CCSER2: variants seen among roughly 807,000 people sequenced by gnomAD.
CCSER2 encodes the protein serine-rich coiled-coil domain-containing protein 2.
In CCSER2, 46 loss-of-function variants were observed where a neutral mutation model predicts 92.3. The ratio of observed to expected loss-of-function variants is 0.50; its 90% CI spans 0.39 to 0.64. The LOEUF (loss-of-function observed/expected upper bound fraction) is 0.64, where lower values mean the gene tolerates loss of function less well. Among genes scored for constraint, CCSER2 ranks in the 30% least tolerant of loss-of-function variants. The probability of loss-of-function intolerance (pLI) is 0.00; values close to 1 mark genes in which losing one functional copy is unlikely to be tolerated. For missense variants in CCSER2, 1,244 were observed against 1,238.9 expected (o/e 1.00, Z -0.06); for synonymous variants, 433 against 431.4 (o/e 1.00, Z -0.04).
intron 9 of CCSER2, among the ~76,000 whole-genome samples, chr10:84,513,239 T>C (rs556322395): frequency 5.9e-5 from 9 of 152,346 alleles, no homozygotes; most frequent in Admixed American, 2.6e-4. Context: ...GTTCAGTGTT[T>C]ACTGCCTGTA....
intron 1 of CCSER2, among the ~76,000 whole-genome samples, chr10:84,343,062 C>T (rs765483103): frequency 3.9e-5 from 6 of 151,924 alleles, no homozygotes; most frequent in African/African-American, 7.3e-5. Flanking sequence ...TAGTAGAGTC[C>T]GGGGTTTACC....
chr10:84,334,342 T>C (rs967775718), intron 1 of CCSER2, among the ~76,000 whole-genome samples: 1 of 152,136 alleles, frequency 6.6e-6, no homozygotes, highest in East Asian at 1.9e-4. Flanking sequence ...GGGGTGTGAT[T>C]CAGCCTATTG....
At chr10:84,383,717 G>A (rs76874756) in intron 3 of CCSER2, among the ~76,000 whole-genome samples, 3 of 152,208 alleles carry the variant, frequency 2.0e-5, no homozygotes, top group African/African-American at 4.8e-5. Flanking sequence ...TTATACTACT[G>A]TCAAACTGTT....
At position 84,332,202 on chromosome 10, in the gene CCSER2, A is replaced by T. The variant is rs1043250963; in HGVS notation, c.-40+3394A>T. On this transcript the variant is annotated intron_variant, in intron 1 of 9. Transcript: ENST00000372088. ...TGAGGATAAGGTTCCTTGCAGTTTA[A>T]CATCATAGTCCATAATAGACAAGCA... Among the ~76,000 whole-genome samples the T allele has an allele frequency of 2.0e-4, 30 of 152,042 alleles. 3 individuals carry two copies. In the East Asian group the frequency reaches 5.8e-3, roughly 29 times the overall value.
intron 3 of CCSER2, among the ~76,000 whole-genome samples, chr10:84,401,776 C>T (rs932517481): frequency 6.6e-6 from 1 of 152,188 alleles, no homozygotes; most frequent in African/African-American, 2.4e-5. Flanking sequence ...CATCGTAGTG[C>T]ATGCTTGTAA....
chr10:84,484,954 G>A (rs538581466), intron 9 of CCSER2, among the ~76,000 whole-genome samples: 1 of 152,232 alleles, frequency 6.6e-6, no homozygotes, highest in South Asian at 2.1e-4. Flanking sequence ...TAGCAGTTGA[G>A]TGGTTTATTG....
intron 8 of CCSER2, 61 bp from the exon 9 acceptor site, chr10:84,477,514 G>T: frequency 3.8e-6 from 3 of 796,322 alleles, no homozygotes; most frequent in Admixed American, 4.9e-5. Flanking sequence ...AGTTTCTCTT[G>T]TGTGTCTTGG....
intron 6 of CCSER2, among the ~76,000 whole-genome samples, chr10:84,458,627 G>T (rs1845915598): frequency 6.6e-6 from 1 of 152,114 alleles, no homozygotes; most frequent in South Asian, 2.1e-4. Context: ...GAAGAGAATT[G>T]ATATCTCAAC....
chr10:84,459,565 C>T (rs1004141822), intron 6 of CCSER2, among the ~76,000 whole-genome samples: 1 of 152,034 alleles, frequency 6.6e-6, no homozygotes, highest in African/African-American at 2.4e-5. Context: ...TTCTGTTACC[C>T]AGGCTGGAGT....
chr10:84,491,417 A>T (rs1589804678), intron 9 of CCSER2, among the ~76,000 whole-genome samples: 3 of 151,850 alleles, frequency 2.0e-5, no homozygotes, highest in African/African-American at 7.3e-5. Flanking sequence ...CACTTTCTTT[A>T]CCTACTCAAG....
At chr10:84,354,539 A>AACCCCCC (rs1470934245) in intron 1 of CCSER2, among the ~76,000 whole-genome samples, 1 of 116,944 alleles carries the variant, frequency 8.6e-6, no homozygotes, top group African/African-American at 3.2e-5. Flanking sequence ...TCTCTGTGCC[A>AACCCCCC]CCCCCCGCCC....
At position 84,474,615 on chromosome 10, in the gene CCSER2, C is replaced by T. The variant is rs541601526; in HGVS notation, c.2236-2960C>T. On this transcript the variant is annotated intron_variant, in intron 8 of 9. Transcript: ENST00000372088. ...GGCCGAGGTTGCAGTGAGCCAAGAT[C>T]GCGTGCCACTGCACTCCAGCCTGGG... Among the ~76,000 whole-genome samples, 37 of 143,414 alleles carry T rather than the reference C, an allele frequency of 2.6e-4. 1 individual carries two copies. The South Asian group carries it at 6.3e-3, about 25-fold the overall frequency. The allele number at this position is 143,414 out of a possible 152,430, so 94.1% of individuals were successfully genotyped here. A position where few individuals can be genotyped will look rare whatever the true frequency, so the allele number is the denominator to read the frequency against.
At chr10:84,483,985 ATATATATATAT>A (rs1328026071) in intron 9 of CCSER2, among the ~76,000 whole-genome samples, 3 of 47,148 alleles carry the variant, frequency 6.4e-5, no homozygotes, top group African/African-American at 2.0e-4. Context: ...ATATATATAT[ATATATATATAT>A]AATTTTTTTT....
chr10:84,499,205 G>A (rs982850891), intron 9 of CCSER2, among the ~76,000 whole-genome samples: 4 of 151,952 alleles, frequency 2.6e-5, no homozygotes, highest in South Asian at 2.1e-4. Flanking sequence ...GCGTCATCTC[G>A]GCTCACTGCA....
At chr10:84,483,655 G>A (rs1847587654) in intron 9 of CCSER2, among the ~76,000 whole-genome samples, 1 of 151,864 alleles carries the variant, frequency 6.6e-6, no homozygotes, top group Non-Finnish European at 1.5e-5. Flanking sequence ...CCAAAAGACA[G>A]TGCAGGCAAA....
intron 9 of CCSER2, among the ~76,000 whole-genome samples, chr10:84,501,278 C>T (rs1452225013): frequency 6.6e-6 from 1 of 152,162 alleles, no homozygotes; most frequent in Non-Finnish European, 1.5e-5. Flanking sequence ...TCTGAAATTT[C>T]AAAGGGCAGA....
chr10:84,418,855 G>A (rs1801081920), intron 4 of CCSER2, among the ~76,000 whole-genome samples: 1 of 152,146 alleles, frequency 6.6e-6, no homozygotes, highest in African/African-American at 2.4e-5. Flanking sequence ...GATTAGCTGG[G>A]AAGCTCAGGC....
intron 1 of CCSER2, among the ~76,000 whole-genome samples, chr10:84,343,028 A>T (rs1844288949): frequency 6.6e-6 from 1 of 152,166 alleles, no homozygotes; most frequent in Non-Finnish European, 1.5e-5. Context: ...ACCTGCCACT[A>T]CACTCAGCTT....
chr10:84,463,273 G>A (rs1182661325), intron 6 of CCSER2, among the ~76,000 whole-genome samples: 1 of 152,160 alleles, frequency 6.6e-6, no homozygotes, highest in Non-Finnish European at 1.5e-5. Context: ...TACAGCTCAA[G>A]CTTTTCATAT....
Sources: gnomAD v4.1 joint callset for allele counts (sites outside exome capture counted in the v4.1 genomes callset) on GRCh38, gnomAD v4.1.1 for gene constraint, MANE v1.5 for transcripts, NCBI Gene and HGNC (gene_info 2026-07-23, HGNC 2026-07-21) for gene names.